Variants in LYSMD2 observed in about 807,000 individuals in gnomAD.
The protein encoded by LYSMD2 is LysM domain containing 2, also known as lysM and putative peptidoglycan-binding domain-containing protein 2.
LYSMD2 carries 6 observed loss-of-function variants against 17.7 expected under a neutral mutation model. The observed-to-expected ratio is 0.34, with a 90% confidence interval of 0.19 to 0.67. LYSMD2 has a LOEUF of 0.67. Among genes scored for constraint, LYSMD2 ranks in the 30% least tolerant of loss-of-function variants. LYSMD2 has a pLI of 0.69. For synonymous variants in LYSMD2, 102 were observed against 129.8 expected, an observed-to-expected ratio of 0.79 and a Z score of 1.45; for missense variants, 237 against 286.7, an observed-to-expected ratio of 0.83 and a Z score of 1.25.
intron 1 of LYSMD2, among the ~76,000 whole-genome samples, chr15:51,743,396 A>T (rs901666243): frequency 1.3e-5 from 2 of 152,180 alleles, no homozygotes; most frequent in Non-Finnish European, 2.9e-5. Flanking sequence ...TTTTTTCTCT[A>T]TTAAGTTGTC....
intron 1 of LYSMD2, among the ~76,000 whole-genome samples, chr15:51,726,544 T>C (rs753142443): frequency 2.0e-5 from 3 of 152,208 alleles, no homozygotes; most frequent in Non-Finnish European, 2.9e-5. Flanking sequence ...CATTCAGACA[T>C]GCAAAGAGAC....
chr15:51,739,748 G>A (rs929737874), upstream of LYSMD2, among the ~76,000 whole-genome samples: 1 of 152,144 alleles, frequency 6.6e-6, no homozygotes, highest in Non-Finnish European at 1.5e-5. Context: ...GGGCAACATA[G>A]TGAGACCCAT....
Position 51,737,405 on chromosome 15 carries a change from T to A in LYSMD2, c.218A>T (p.His73Leu). ...GAGVIERHVE[H>L]RVRAGDTLQG... The stretch of plus-strand genomic sequence containing the variant: ...CAGCGTGTCGCCCGCGCGGACCCGG[T>A]GCTCCACATGGCGCTCGATGACGCC... The change falls in exon 1 of 3, where the codon CAC (histidine) becomes CTC (leucine). Residue 73 changes from histidine to leucine, a missense_variant. Coordinates refer to ENST00000267838, the MANE Select transcript of LYSMD2 (RefSeq NM_153374.3). This position sits in a 1 kb window ranked among gnomAD's most constrained non-coding sequence, Gnocchi z 4.2. 6.9e-7 allele frequency: 1 copy of A among 1,455,976 alleles called. No individual in the cohort carries two copies. The highest frequency in any genetic ancestry group is 1.3e-5 in the South Asian group (1 of 75,928). The allele number at this position is 1,455,976 out of a possible 1,614,324, so 90.2% of individuals were successfully genotyped here.
chr15:51,734,125 G>C (rs1265948629), intron 1 of LYSMD2, among the ~76,000 whole-genome samples: 2 of 152,200 alleles, frequency 1.3e-5, no homozygotes, highest in African/African-American at 4.8e-5. Context: ...GGAGGTTGCA[G>C]TGAGCCAAGA....
intron 1 of LYSMD2, among the ~76,000 whole-genome samples, chr15:51,747,042 A>AT (rs1567231460): frequency 2.7e-5 from 4 of 148,102 alleles, no homozygotes; most frequent in African/African-American, 5.0e-5. Flanking sequence ...AAAAAAAAAA[A>AT]TACGAAAATT....
Position 51,737,262 on chromosome 15 carries a change from T to TGCCCCCCCCCCCCCCCCCCCC in LYSMD2, c.273+87_273+88insGGGGGGGGGGGGGGGGGGGGC. The stretch of plus-strand genomic sequence containing the variant: ...CCATCCCCCAAACCCCCACCCGCAG[T>TGCCCCCCCCCCCCCCCCCCCC]CCCACCCCCACCCCCACCGCACCCC... On this transcript the variant is annotated intron_variant, in intron 1 of 2. Coordinates refer to ENST00000267838, the MANE Select transcript of LYSMD2 (RefSeq NM_153374.3). The surrounding 1 kb of genome is among the most constrained non-coding windows in gnomAD (Gnocchi z 4.2). 7.5e-6 allele frequency: 1 copy of TGCCCCCCCCCCCCCCCCCCCC among 134,038 alleles called. No homozygotes were observed. The highest frequency in any genetic ancestry group is 1.4e-5 in the Non-Finnish European group (1 of 70,572). 8.3% of individuals were successfully genotyped at this position (134,038 alleles called of 1,614,324 possible).
At chr15:51,741,658 G>A (rs542917812), upstream of LYSMD2, among the ~76,000 whole-genome samples, 23 of 152,118 alleles carry the variant, frequency 1.5e-4, no homozygotes, top group East Asian at 4.1e-3. Context: ...GGTGGTTCTC[G>A]CCTGTTATTC....
At chr15:51,727,232 T>C (rs952920033) in intron 1 of LYSMD2, among the ~76,000 whole-genome samples, 1 of 152,176 alleles carries the variant, frequency 6.6e-6, no homozygotes, top group African/African-American at 2.4e-5. Context: ...TTCTAAACCC[T>C]AGGAGGCTGA....
chr15:51,725,076 T>C lies in LYSMD2; in HGVS notation c.319A>G (p.Ile107Val), dbSNP rs3751593. The change falls in exon 2 of 3, where the codon ATA becomes GTA. Residue 107 changes from isoleucine (I) to valine (V), a missense_variant. By Grantham distance (29) the Ile-to-Val change is conservative (BLOSUM62 3). Coordinates refer to ENST00000267838, the MANE Select transcript of LYSMD2 (RefSeq NM_153374.3). The stretch of plus-strand genomic sequence containing the variant: ...ATGTTCAAAGTTTTCTTCAGAAATA[T>C]ACAATCATTGGTAAACAGTTTATTG... Reference protein sequence around the residue: ...RANKLFTNDCIFLKKTLNIPV... With the variant: ...RANKLFTNDCVFLKKTLNIPV... 5,531 of 1,612,318 alleles carry C rather than the reference T, an allele frequency of 3.4e-3. 203 individuals carry two copies. The East Asian group carries it at 0.092, about 27-fold the overall frequency.
intron 1 of LYSMD2, among the ~76,000 whole-genome samples, chr15:51,730,431 G>T (rs143968338): frequency 6.6e-6 from 1 of 152,200 alleles, no homozygotes; most frequent in Non-Finnish European, 1.5e-5. Context: ...CAGGAGAATC[G>T]CTTGAGCCTG....
chr15:51,727,751 T>C (rs773879819), intron 1 of LYSMD2, among the ~76,000 whole-genome samples: 29 of 152,234 alleles, frequency 1.9e-4, no homozygotes, highest in Non-Finnish European at 2.9e-5. Context: ...TGACTCACTA[T>C]AACTGGTCCA....
exon 1 of LYSMD2, chr15:51,751,291 G>A (rs938196243): frequency 1.4e-6 from 1 of 702,588 alleles, no homozygotes; most frequent in South Asian, 1.5e-5. Flanking sequence ...TCTCAACGCG[G>A]CTTCCGTGTC....
intron 1 of LYSMD2, among the ~76,000 whole-genome samples, chr15:51,727,723 T>A (rs550027701): frequency 6.6e-6 from 1 of 152,318 alleles, no homozygotes; most frequent in East Asian, 1.9e-4. Context: ...CTGGCTTCTG[T>A]ACATACTGCT....
upstream of LYSMD2, among the ~76,000 whole-genome samples, chr15:51,740,456 A>T (rs2055637282): frequency 6.6e-6 from 1 of 152,266 alleles, no homozygotes; most frequent in Admixed American, 6.5e-5. Flanking sequence ...TAAGAAAAGG[A>T]AGCCTATTAC....
Position 51,737,401 on chromosome 15 carries a change from C to G in LYSMD2, c.222G>C (p.Arg74=). 6.9e-7 allele frequency: 1 copy of G among 1,457,746 alleles called. No individual in the cohort carries two copies. Among genetic ancestry groups the G allele is most frequent in the African/African-American group, 1.5e-5 (1 of 67,906 alleles). The allele number at this position is 1,457,746 out of a possible 1,614,324, so 90.3% of individuals were successfully genotyped here. Residue 74 remains arginine, a synonymous_variant, in exon 1 of 3, where the codon CGG becomes CGC. Coordinates refer to ENST00000267838, the MANE Select transcript of LYSMD2 (RefSeq NM_153374.3). This position sits in a 1 kb window ranked among gnomAD's most constrained non-coding sequence, Gnocchi z 4.2. ...AGVIERHVEH[R]VRAGDTLQGI... ...CCTGCAGCGTGTCGCCCGCGCGGAC[C>G]CGGTGCTCCACATGGCGCTCGATGA...
intron 1 of LYSMD2, among the ~76,000 whole-genome samples, chr15:51,730,629 T>C (rs2055570473): frequency 1.3e-5 from 2 of 152,330 alleles, no homozygotes; most frequent in South Asian, 4.1e-4. Flanking sequence ...GGTCAAGAAC[T>C]CTTCCCATCT....
At chr15:51,741,611 A>G (rs992126050), upstream of LYSMD2, among the ~76,000 whole-genome samples, 1 of 152,246 alleles carries the variant, frequency 6.6e-6, no homozygotes, top group African/African-American at 2.4e-5. Flanking sequence ...TTTTAAGCTT[A>G]CAATTCAGTA....
chr15:51,730,695 T>C (rs1218044851), intron 1 of LYSMD2, among the ~76,000 whole-genome samples: 1 of 152,192 alleles, frequency 6.6e-6, no homozygotes, highest in African/African-American at 2.4e-5. Context: ...TCAAAACTTC[T>C]TTTTCTTCCT....
In LYSMD2 at chr15:51,723,265, A is replaced by C. The variant is rs893093724; in HGVS notation, c.*342T>G. On this transcript the variant is annotated 3_prime_UTR_variant, in exon 3 of 3. Transcript: ENST00000267838. ...CATATTTTCACATAATCAGGATTGC[A>C]TAAGGAGATAAACATTATTTTTAGC... The C allele has an allele frequency of 4.5e-6, 1 of 219,854 alleles. No individual in the cohort carries two copies. Among genetic ancestry groups the C allele is most frequent in the Admixed American group, 5.2e-5 (1 of 19,058 alleles). The allele number at this position is 219,854 out of a possible 1,614,324, so 13.6% of individuals were successfully genotyped here.
Sources: allele counts gnomAD v4.1 joint callset (sites outside exome capture counted in the v4.1 genomes callset), GRCh38; gene constraint gnomAD v4.1.1; non-coding constraint Gnocchi (gnomAD v3.1); transcripts MANE v1.5; gene names NCBI Gene and HGNC (gene_info 2026-07-23, HGNC 2026-07-21).